The following ABCA2 variants were observed in gnomAD, a reference collection of about 807,000 sequenced individuals.
ABCA2 encodes ATP binding cassette subfamily A member 2.
ABCA2 carries 84 observed loss-of-function variants against 262.8 expected under a neutral mutation model. That is an observed-to-expected ratio of 0.32 (90% CI 0.27 to 0.38). The LOEUF is 0.38. ABCA2 is among the 10% of genes least tolerant of loss of function. The pLI, the probability that ABCA2 is intolerant of heterozygous loss-of-function variation, is 1.00. For synonymous variants in ABCA2, 1,696 were observed against 1,502.9 expected, an observed-to-expected ratio of 1.13 and a Z score of -2.97; for missense variants, 2,662 against 3,405.9, an observed-to-expected ratio of 0.78 and a Z score of 5.44.
Position 137,009,521 on chromosome 9 carries a change from G to A in ABCA2, c.6734+20C>T. On this transcript the variant is annotated intron_variant, in intron 44 of 48. Coordinates refer to ENST00000341511, the MANE Select transcript of ABCA2 (RefSeq NM_001606.5). ...GTGCTGTGGGGTGGGGGCACAAAGA[G>A]GGGGTGGGGGCGCCCTCACCTGTGT... 1.2e-6 allele frequency: 2 copies of A among 1,612,228 alleles called. No homozygotes were observed. The highest frequency in any genetic ancestry group is 1.7e-6 in the Non-Finnish European group (2 of 1,179,576).
rs1172923968 is a variant in ABCA2 at position 137,021,805 on chromosome 9, A to G, written c.678+86T>C. On this transcript the variant is annotated intron_variant, in intron 7 of 48. Coordinates refer to ENST00000341511, the MANE Select transcript of ABCA2 (RefSeq NM_001606.5). This position sits in a 1 kb window ranked among gnomAD's most constrained non-coding sequence, Gnocchi z 6.0. Reference sequence around the variant, plus strand: ...TCCCAGGAGGAGCTCCAAGTCACCAAAGGGGCCCTTTCCTCACCCACGGAG... The same window carrying G: ...TCCCAGGAGGAGCTCCAAGTCACCAGAGGGGCCCTTTCCTCACCCACGGAG... 1 of 1,358,720 alleles carries G rather than the reference A, an allele frequency of 7.4e-7. No homozygotes were observed. 84.2% of individuals were successfully genotyped at this position (1,358,720 alleles called of 1,614,324 possible).
chr9:137,019,726 A>C lies in ABCA2; in HGVS notation c.1426-420T>G. On this transcript the variant is annotated intron_variant, in intron 10 of 48. Coordinates refer to ENST00000341511, the MANE Select transcript of ABCA2 (RefSeq NM_001606.5). The surrounding 1 kb of genome is among the most constrained non-coding windows in gnomAD (Gnocchi z 4.4). Reference sequence around the variant, plus strand: ...CGTGAGTCCCACGCCCGGGCTCTCCACTCCTTTCTGCGGCGCTCAGGTGAA... The same window carrying C: ...CGTGAGTCCCACGCCCGGGCTCTCCCCTCCTTTCTGCGGCGCTCAGGTGAA... 3 of 195,754 alleles carry C rather than the reference A, an allele frequency of 1.5e-5. No individual in the cohort carries two copies. Among genetic ancestry groups the C allele is most frequent in the Non-Finnish European group, 3.2e-5 (3 of 94,348 alleles). The allele number at this position is 195,754 out of a possible 1,614,324, so 12.1% of individuals were successfully genotyped here.
In ABCA2 at chr9:137,021,662, C is replaced by T. The variant is rs746193796; in HGVS notation, c.679-52G>A. 3 of 1,517,686 alleles carry T rather than the reference C, an allele frequency of 2.0e-6. No individual in the cohort carries two copies. Among genetic ancestry groups the T allele is most frequent in the South Asian group, 2.4e-5 (2 of 82,778 alleles). 94.0% of individuals were successfully genotyped at this position (1,517,686 alleles called of 1,614,324 possible). On this transcript the variant is annotated intron_variant, in intron 7 of 48. Coordinates refer to ENST00000341511, the MANE Select transcript of ABCA2 (RefSeq NM_001606.5). This position sits in a 1 kb window ranked among gnomAD's most constrained non-coding sequence, Gnocchi z 6.0. The stretch of plus-strand genomic sequence containing the variant: ...GCCACGGCAAGGACTTTGTCCCCAA[C>T]CACTAGGGCCTCAGGCCTCACCCTG...
rs1453817349 is a variant in ABCA2 at position 137,021,363 on chromosome 9, C to T, written c.897+29G>A. 2 of 1,597,646 alleles carry T rather than the reference C, an allele frequency of 1.3e-6. No individual in the cohort carries two copies. The highest frequency in any genetic ancestry group is 1.7e-6 in the Non-Finnish European group (2 of 1,177,000). On this transcript the variant is annotated intron_variant, in intron 8 of 48. Coordinates refer to ENST00000341511, the MANE Select transcript of ABCA2 (RefSeq NM_001606.5). The surrounding 1 kb of genome is among the most constrained non-coding windows in gnomAD (Gnocchi z 6.0). ...CCTTCAACTCAGGCAGCAAGCAGCG[C>T]AGCGGGCAGTGGGCAGGCAGGGCCT...
chr9:137,016,908 G>GCTGGCCAGTACCTGGGTGCACAGC lies in ABCA2; in HGVS notation c.2746_2758+11dup, dbSNP rs770040557. The stretch of plus-strand genomic sequence containing the variant: ...CCTGCCTCTCCCCTGCCCTCCAAGG[G>GCTGGCCAGTACCTGGGTGCACAGC]CTGGCCAGTACCTGGGTGCACAGCC... On this transcript the variant is annotated intron_variant, in intron 19 of 48. Transcript: ENST00000341511. The GCTGGCCAGTACCTGGGTGCACAGC allele has an allele frequency of 2.5e-6, 4 of 1,610,762 alleles. No individual in the cohort carries two copies. In the East Asian group the frequency reaches 8.9e-5, roughly 36 times the overall value.
At position 137,013,506 on chromosome 9, in the gene ABCA2, C is replaced by T. The variant is rs755244581; in HGVS notation, c.4505G>A (p.Arg1502His). ...GTTGGCGTAGGGGATGAAATTGCCA[C>T]GGGGCTGGGTGTAGTTGTGGTACTG... The part of the protein sequence containing the change: ...PSQYHNYTQP[R>H]GNFIPYANEE... The change falls in exon 29 of 49, where the codon CGT (arginine) becomes CAT (histidine). Residue 1502 changes from arginine (R) to histidine (H), a missense_variant. Arg to His is a conservative substitution (Grantham distance 29). This residue lies in a region of ABCA2 where 75 missense variants were observed against 118.3 expected (regional missense o/e 0.63). Transcript: ENST00000341511. 42 of 1,610,200 alleles carry T rather than the reference C, an allele frequency of 2.6e-5. No homozygotes were observed. The Admixed American group carries it at 3.2e-4, about 12-fold the overall frequency.
At chr9:137,015,172 G>A in intron 24 of ABCA2, 75 bp from the exon 25 acceptor site, 2 of 1,475,370 alleles carry the variant, frequency 1.4e-6, no homozygotes, top group Non-Finnish European at 1.8e-6. Context: ...AACCCAACTG[G>A]GTCAAGATAT....
rs761447125 is a variant in ABCA2 at position 137,025,959 on chromosome 9, G to A, written c.67-1723C>T. On this transcript the variant is annotated intron_variant, in intron 1 of 48. Transcript: ENST00000341511. ...CCAGGTGGCCCAACCTCCGTCCCTC[G>A]AGACCAGCCCAGTGCCTTCACATCG... Among the ~76,000 whole-genome samples, 86 of 152,260 alleles carry A rather than the reference G, an allele frequency of 5.6e-4. 1 individual carries two copies. The highest frequency in any genetic ancestry group is 5.2e-3 in the Admixed American group (80 of 15,308).
intron 3 of ABCA2, chr9:137,023,524 CCAGCCCAGCCT>C (rs1231300554): frequency 3.5e-5 from 26 of 748,258 alleles, no homozygotes; most frequent in Non-Finnish European, 6.1e-5. Flanking sequence ...CCAGCCCAGG[CCAGCCCAGCCT>C]CAGCCCAGAC....
chr9:137,008,103 C>T (rs556589783), intron 48 of ABCA2, 139 bp from the exon 49 acceptor site: 3 of 1,123,134 alleles, frequency 2.7e-6, no homozygotes, highest in East Asian at 5.1e-5. Flanking sequence ...CCCTCTGTGT[C>T]TGGGCTCTCC....
At chr9:137,013,762 G>GGTGAGGCCCAGAGTCAGGAAGCT in intron 28 of ABCA2, 70 bp downstream of exon 28, 2 of 1,504,498 alleles carry the variant, frequency 1.3e-6, no homozygotes, top group East Asian at 2.4e-5. Context: ...TCAGGAGTGG[G>GGTGAGGCCCAGAGTCAGGAAGCT]CATCATCAGG....
rs1295656468 is a variant in ABCA2, at chr9:137,019,623, T to C, written c.1426-317A>G. The C allele has an allele frequency of 1.3e-5, 4 of 304,094 alleles. No individual in the cohort carries two copies. In the South Asian group the frequency reaches 1.3e-4, roughly 10 times the overall value. The allele number at this position is 304,094 out of a possible 1,614,324, so 18.8% of individuals were successfully genotyped here. Reference sequence around the variant, plus strand: ...TTTTGGTAGAGACGGGCTTCCGCTATGTTGCTCGGGCTTGTCTCAAACTCC... The same window carrying C: ...TTTTGGTAGAGACGGGCTTCCGCTACGTTGCTCGGGCTTGTCTCAAACTCC... On this transcript the variant is annotated intron_variant, in intron 10 of 48. Coordinates refer to ENST00000341511, the MANE Select transcript of ABCA2 (RefSeq NM_001606.5). The surrounding 1 kb of genome is among the most constrained non-coding windows in gnomAD (Gnocchi z 4.4).
In ABCA2 at chr9:137,011,862, C is replaced by T. The variant is rs201546385; in HGVS notation, c.5517G>A (p.Ala1839=). 5.7e-4 allele frequency: 918 copies of T among 1,599,138 alleles called. 2 individuals are homozygous for T. The highest frequency in any genetic ancestry group is 6.8e-4 in the Non-Finnish European group (802 of 1,173,856). The change falls in exon 35 of 49, where the codon GCG becomes GCA. Residue 1839 remains alanine (A), a synonymous_variant. Coordinates refer to ENST00000341511, the MANE Select transcript of ABCA2 (RefSeq NM_001606.5). The surrounding 1 kb of genome is among the most constrained non-coding windows in gnomAD (Gnocchi z 8.8). The stretch of plus-strand genomic sequence containing the variant: ...GGCGCACCATGTCCCACACGTAGTT[C>T]GCCAGCCAGTAGATGATGGGGTTGC... ...SGCNPIIYWL[A]NYVWDMLNYL... is the part of the protein sequence containing the mutation.
chr9:137,014,860 G>A (rs781223374), intron 25 of ABCA2, 50 bp from the exon 26 acceptor site: 8 of 1,578,822 alleles, frequency 5.1e-6, no homozygotes, highest in Non-Finnish European at 6.9e-6. Flanking sequence ...CCAGGCAGGA[G>A]TGCGCCCACC....
intron 10 of ABCA2, chr9:137,020,060 C>G: frequency 2.1e-6 from 1 of 483,012 alleles, no homozygotes; most frequent in Non-Finnish European, 3.7e-6. Flanking sequence ...CTGGACACAC[C>G]CCTCCTCCAC....
In ABCA2 at chr9:137,020,903, G is replaced by A. The variant is rs1242697121; in HGVS notation, c.1056C>T (p.Cys352=). The A allele has an allele frequency of 6.4e-7, 1 of 1,560,736 alleles. No homozygotes were observed. The highest frequency in any genetic ancestry group is 1.4e-5 in the African/African-American group (1 of 74,058). ...ALALLLPQGA[C]TGRTPGPPAS... ...CTGGGGGTCCGGGGGTCCGGCCAGT[G>A]CAGGCACCCTGGGGCAGTAGCAGGG... The change falls in exon 9 of 49, where the codon TGC becomes TGT. Residue 352 remains cysteine, a synonymous_variant. Coordinates refer to ENST00000341511, the MANE Select transcript of ABCA2 (RefSeq NM_001606.5).
At position 137,011,461 on chromosome 9, in the gene ABCA2, G is replaced by C; in HGVS notation, c.5745C>G (p.Ile1915Met). The C allele has an allele frequency of 6.2e-7, 1 of 1,610,680 alleles. No homozygotes were observed. Among genetic ancestry groups the C allele is most frequent in the Non-Finnish European group, 8.5e-7 (1 of 1,178,984 alleles). ...YVFLIVINLF[I>M]GITATVATFL... ...AGGTGGCCACGGTGGCGGTGATGCC[G>C]ATGAAGAGATTGATGACAATGAGGA... Residue 1915 changes from isoleucine to methionine, a missense_variant, in exon 37 of 49, where the codon ATC becomes ATG. By Grantham distance (10) the Ile-to-Met change is conservative. Transcript: ENST00000341511. The surrounding 1 kb of genome is among the most constrained non-coding windows in gnomAD (Gnocchi z 8.8).
rs376223181 is a variant in ABCA2, at chr9:137,017,366, G to A, written c.2403-20C>T. 203 of 1,611,542 alleles carry A rather than the reference G, an allele frequency of 1.3e-4. No individual in the cohort carries two copies. The highest frequency in any genetic ancestry group is 1.6e-4 in the Middle Eastern group (1 of 6,082). ...AGGAAGCTGGGTGGGCAGGGGCCACGCGCACCGTCATCCACCCGCACGCCC... is the reference window on the plus strand; with the variant it reads ...AGGAAGCTGGGTGGGCAGGGGCCACACGCACCGTCATCCACCCGCACGCCC... On this transcript the variant is annotated intron_variant, in intron 17 of 48. Transcript: ENST00000341511.
In ABCA2 at chr9:137,019,580, GCCTGGCTAATTTTGTAT is replaced by G; in HGVS notation, c.1426-291_1426-275del. 2.5e-6 allele frequency: 1 copy of G among 401,456 alleles called. No homozygotes were observed. Among genetic ancestry groups the G allele is most frequent in the South Asian group, 3.0e-5 (1 of 33,896 alleles). The allele number at this position is 401,456 out of a possible 1,614,324, so 24.9% of individuals were successfully genotyped here. ...TGGGATTACAGGTGCCCACCACCAC[GCCTGGCTAATTTTGTAT>G]TTTTGGTAGAGACGGGCTTCCGCTA... On this transcript the variant is annotated intron_variant, in intron 10 of 48. Coordinates refer to ENST00000341511, the MANE Select transcript of ABCA2 (RefSeq NM_001606.5). The surrounding 1 kb of genome is among the most constrained non-coding windows in gnomAD (Gnocchi z 4.4).
Sources: allele counts gnomAD v4.1 joint callset (sites outside exome capture counted in the v4.1 genomes callset), GRCh38; gene constraint gnomAD v4.1.1; regional missense constraint gnomAD v4.1.1; non-coding constraint Gnocchi (gnomAD v3.1); transcripts MANE v1.5; gene names NCBI Gene and HGNC (gene_info 2026-07-23, HGNC 2026-07-21).